Variants in CNTRL observed in about 807,000 individuals in gnomAD.
CNTRL encodes centriolin.
A neutral mutation model predicts 303.7 loss-of-function variants in CNTRL; 233 were observed. That is an observed-to-expected ratio of 0.77 (90% CI 0.69 to 0.86). CNTRL has a LOEUF of 0.86. CNTRL is among the 40% of genes least tolerant of loss of function. The pLI is 0.00. For synonymous variants in CNTRL, 900 were observed against 922.2 expected (o/e 0.98, Z 0.44); for missense variants, 2,524 against 2,650.6 (o/e 0.95, Z 1.05).
At chr9:121,092,302 A>G (rs893625035) in intron 4 of CNTRL, among the ~76,000 whole-genome samples, 9 of 143,986 alleles carry the variant, frequency 6.3e-5, no homozygotes, top group African/African-American at 2.3e-4. Flanking sequence ...CTACTCTAGC[A>G]TTACTGCCTG....
chr9:121,138,551 C>A lies in CNTRL; in HGVS notation c.2209C>A (p.Gln737Lys), dbSNP rs2051323492. ...EKVTRLTQLE[Q>K]SALQAELEKE... ...TTGCTTCCTATGGTGACAGTTAGAACAATCAGCCCTTCAAGCAGAACTTGA... is the reference window on the plus strand; with the variant it reads ...TTGCTTCCTATGGTGACAGTTAGAAAAATCAGCCCTTCAAGCAGAACTTGA... Residue 737 changes from glutamine to lysine, a missense_variant, in exon 16 of 44, where the codon CAA becomes AAA. By Grantham distance (53) the Gln-to-Lys change is moderately conservative. Coordinates refer to ENST00000373855, the MANE Select transcript of CNTRL (RefSeq NM_007018.6). 4 of 1,613,472 alleles carry A rather than the reference C, an allele frequency of 2.5e-6. No individual in the cohort carries two copies. The African/African-American group carries it at 5.3e-5, about 22-fold the overall frequency.
At chr9:121,078,931 A>G (rs1235956502) in intron 1 of CNTRL, among the ~76,000 whole-genome samples, 3 of 152,146 alleles carry the variant, frequency 2.0e-5, no homozygotes, top group African/African-American at 7.2e-5. Context: ...GAGGCTCCCC[A>G]AACCCAGTCT....
intron 12 of CNTRL, 170 bp downstream of exon 12, chr9:121,118,710 G>T (rs915209085): frequency 6.5e-6 from 3 of 460,878 alleles, no homozygotes; most frequent in African/African-American, 3.9e-5. Context: ...TGCATCTGTG[G>T]ATTTAACCAA....
chr9:121,088,178 G>A lies in CNTRL; in HGVS notation c.-31-118G>A, dbSNP rs146377392. On this transcript the variant is annotated intron_variant, in intron 2 of 43. Transcript: ENST00000373855. ...CTGCTCCATCAGCTTGGAGTAGTATGGGTCCTAGCATTTATGGCCTCTGAG... is the reference window on the plus strand; with the variant it reads ...CTGCTCCATCAGCTTGGAGTAGTATAGGTCCTAGCATTTATGGCCTCTGAG... The A allele has an allele frequency of 9.1e-4, 559 of 614,934 alleles. 7 individuals are homozygous for A. In the East Asian group the frequency reaches 0.015, roughly 17 times the overall value. 38.1% of individuals were successfully genotyped at this position (614,934 alleles called of 1,614,324 possible). A position where few individuals can be genotyped will look rare whatever the true frequency, so the allele number is the denominator to read the frequency against.
intron 23 of CNTRL, 78 bp downstream of exon 23, chr9:121,146,334 A>C (rs2051851493): frequency 7.0e-7 from 1 of 1,419,046 alleles, no homozygotes; most frequent in African/African-American, 1.4e-5. Flanking sequence ...CCCCAAATTT[A>C]TGAACAGGTA....
rs748287700 is a variant in CNTRL, at chr9:121,144,878, A to C, written c.3087A>C (p.Ala1029=). 6.2e-7 allele frequency: 1 copy of C among 1,613,348 alleles called. No homozygotes were observed. The highest frequency in any genetic ancestry group is 8.5e-7 in the Non-Finnish European group (1 of 1,179,952). Residue 1029 remains alanine (A), a synonymous_variant, in exon 21 of 44, where the codon GCA becomes GCC. Transcript: ENST00000373855. ...LQEAERFSRK[A]AQAARDLTRA... ...AAGCAGAGAGGTTCAGCAGAAAGGC[A>C]GCACAAGCAGCCAGAGATCTCACCC...
In CNTRL at chr9:121,090,314, C is replaced by G; in HGVS notation, c.257C>G (p.Ala86Gly). The change falls in exon 4 of 44, where the codon GCC (alanine) becomes GGC (glycine). Residue 86 changes from alanine (A) to glycine (G), a missense_variant. Coordinates refer to ENST00000373855, the MANE Select transcript of CNTRL (RefSeq NM_007018.6). ...GCAGGAGTTAGATATATTACAGAGG[C>G]CCTCATTAAAAAACTTACTAAACAG... ...SHAGVRYITEALIKKLTKQDN... is the reference protein window; with the variant it reads ...SHAGVRYITEGLIKKLTKQDN... 1 of 1,611,246 alleles carries G rather than the reference C, an allele frequency of 6.2e-7. No individual in the cohort carries two copies. Among genetic ancestry groups the G allele is most frequent in the Non-Finnish European group, 8.5e-7 (1 of 1,178,296 alleles).
chr9:121,106,632 AAG>A (rs1303508734), intron 7 of CNTRL, among the ~76,000 whole-genome samples: 1 of 152,090 alleles, frequency 6.6e-6, no homozygotes, highest in Non-Finnish European at 1.5e-5. Context: ...TTTGAGAAGA[AAG>A]AGGAAGGTAT....
Position 121,102,841 on chromosome 9 carries a change from G to C in CNTRL, c.808+4269G>C, listed in dbSNP as rs1005177102. ...AAATACCTAGGAATCCAGCTTAAAA[G>C]GGATGTGAAGGACCTCTTCAAGGAG... On this transcript the variant is annotated intron_variant, in intron 7 of 43. Coordinates refer to ENST00000373855, the MANE Select transcript of CNTRL (RefSeq NM_007018.6). Among the ~76,000 whole-genome samples, 15 of 152,276 alleles carry C rather than the reference G, an allele frequency of 9.9e-5. No individual in the cohort carries two copies. In the East Asian group the frequency reaches 2.9e-3, roughly 29 times the overall value.
At position 121,160,231 on chromosome 9, in the gene CNTRL, T is replaced by C. The variant is rs1381498527; in HGVS notation, c.5018T>C (p.Ile1673Thr). ...GAAAGAAAAACTCAACTTACACTTA[T>C]AAAGCAGGAAATTGAAAAAGAGGAA... The part of the protein sequence containing the change: ...ISERKTQLTL[I>T]KQEIEKEEEN... Residue 1673 changes from isoleucine (I) to threonine (T), a missense_variant, in exon 32 of 44, where the codon ATA (isoleucine) becomes ACA (threonine). Coordinates refer to ENST00000373855, the MANE Select transcript of CNTRL (RefSeq NM_007018.6). 1.9e-6 allele frequency: 3 copies of C among 1,566,514 alleles called. No homozygotes were observed. Among genetic ancestry groups the C allele is most frequent in the Admixed American group, 2.0e-5 (1 of 50,300 alleles).
chr9:121,160,327 AC>A (rs749174880), intron 32 of CNTRL, 25 bp downstream of exon 32: 8 of 1,429,646 alleles, frequency 5.6e-6, no homozygotes, highest in Non-Finnish European at 7.4e-6. Flanking sequence ...AAACAATCAT[AC>A]AAAGTTTGAG....
At chr9:121,100,666 T>C (rs1020468111) in intron 7 of CNTRL, among the ~76,000 whole-genome samples, 14 of 152,090 alleles carry the variant, frequency 9.2e-5, no homozygotes, top group Non-Finnish European at 1.0e-4. Context: ...AGGAGACCCA[T>C]CTCATGTGCA....
rs1009220545 is a variant in CNTRL at position 121,177,365 on chromosome 9, A to G, written c.*179A>G. ...CAATGTTTTTATAAATCACTTGTAC[A>G]TAGTACATATGGGAATAGTTGCATA... On this transcript the variant is annotated 3_prime_UTR_variant, in exon 44 of 44. Coordinates refer to ENST00000373855, the MANE Select transcript of CNTRL (RefSeq NM_007018.6). The G allele has an allele frequency of 1.8e-6, 1 of 568,030 alleles. No homozygotes were observed. Among genetic ancestry groups the G allele is most frequent in the Non-Finnish European group, 3.1e-6 (1 of 324,930 alleles). 35.2% of individuals were successfully genotyped at this position (568,030 alleles called of 1,614,324 possible). A position where few individuals can be genotyped will look rare whatever the true frequency, so the allele number is the denominator to read the frequency against.
At chr9:121,115,491 AGC>A (rs2049936281) in intron 11 of CNTRL, among the ~76,000 whole-genome samples, 1 of 152,158 alleles carries the variant, frequency 6.6e-6, no homozygotes, top group African/African-American at 2.4e-5. Context: ...ATTTTAATTA[AGC>A]ACTCTCCACC....
At chr9:121,118,191 A>G (rs1406442763) in intron 11 of CNTRL, among the ~76,000 whole-genome samples, 155 bp from the exon 12 acceptor site, 2 of 152,168 alleles carry the variant, frequency 1.3e-5, no homozygotes, top group Admixed American at 6.5e-5. Context: ...TAAAAATATA[A>G]AATATGCATG....
At chr9:121,098,008 G>A (rs950271500) in intron 6 of CNTRL, among the ~76,000 whole-genome samples, 1 of 152,106 alleles carries the variant, frequency 6.6e-6, no homozygotes, top group Admixed American at 6.5e-5. Context: ...TGTTAAATCA[G>A]TATAATGAAA....
At chr9:121,122,307 A>T in intron 12 of CNTRL, 1 of 628,788 alleles carries the variant, frequency 1.6e-6, no homozygotes, top group Non-Finnish European at 2.0e-6. Context: ...TTGGGAGTGT[A>T]GGGAAAAGAG....
chr9:121,156,794 G>T (rs1227186913), intron 27 of CNTRL, among the ~76,000 whole-genome samples: 1 of 152,134 alleles, frequency 6.6e-6, no homozygotes, highest in Non-Finnish European at 1.5e-5. Context: ...TATATAGGAA[G>T]ATTTTAAACA....
At chr9:121,104,166 A>T (rs772681750) in intron 7 of CNTRL, among the ~76,000 whole-genome samples, 1 of 152,272 alleles carries the variant, frequency 6.6e-6, no homozygotes, top group Non-Finnish European at 1.5e-5. Context: ...AAAATGTGGC[A>T]CATATACACC....
Sources: allele counts gnomAD v4.1 joint callset (sites outside exome capture counted in the v4.1 genomes callset), GRCh38; gene constraint gnomAD v4.1.1; transcripts MANE v1.5; gene names NCBI Gene and HGNC (gene_info 2026-07-23, HGNC 2026-07-21).